The following UBE2H variants were observed in gnomAD, a reference collection of about 807,000 sequenced individuals.
The protein encoded by UBE2H is ubiquitin conjugating enzyme E2 H.
Under a neutral mutation model 29.0 loss-of-function variants are expected in UBE2H, and 3 were observed. The observed-to-expected ratio is 0.10, with a 90% CI of 0.05 to 0.27. UBE2H has a LOEUF of 0.27. UBE2H is among the 10% of genes least tolerant of loss of function. The pLI is 1.00. For missense variants in UBE2H, 68 were observed against 228.2 expected (o/e 0.30, Z 4.52); for synonymous variants, 69 against 82.9 (o/e 0.83, Z 0.91).
At chr7:129,876,392 T>A (rs775068016) in intron 3 of UBE2H, among the ~76,000 whole-genome samples, 7 of 152,214 alleles carry the variant, frequency 4.6e-5, no homozygotes, top group African/African-American at 7.2e-5. Context: ...CTCTAGGAAC[T>A]AATGTTTCTG....
chr7:129,894,649 G>A (rs1032170587), intron 1 of UBE2H, among the ~76,000 whole-genome samples: 5 of 151,730 alleles, frequency 3.3e-5, no homozygotes, highest in Admixed American at 1.3e-4. Flanking sequence ...CACCATACCC[G>A]GCTAATTTTT....
At chr7:129,854,127 T>C (rs1489967710) in intron 5 of UBE2H, among the ~76,000 whole-genome samples, 1 of 147,638 alleles carries the variant, frequency 6.8e-6, no homozygotes, top group African/African-American at 2.5e-5. Flanking sequence ...ACTAAGATTC[T>C]CTCAGGAACC....
At chr7:129,887,599 G>A (rs779957167) in intron 1 of UBE2H, among the ~76,000 whole-genome samples, 7 of 152,086 alleles carry the variant, frequency 4.6e-5, no homozygotes, top group South Asian at 2.1e-4. Flanking sequence ...CCTGAGGTGC[G>A]ACAGTTTGAA....
chr7:129,911,967 T>C (rs866965287), intron 1 of UBE2H, among the ~76,000 whole-genome samples: 9 of 152,220 alleles, frequency 5.9e-5, no homozygotes, highest in Admixed American at 2.6e-4. Context: ...TAGCAAAGGA[T>C]GTGTTATGTG....
intron 1 of UBE2H, among the ~76,000 whole-genome samples, chr7:129,901,160 G>A (rs537325738): frequency 2.0e-4 from 31 of 152,298 alleles, no homozygotes; most frequent in Middle Eastern, 3.4e-3. Flanking sequence ...ACCTCAGACA[G>A]AACTGTCTCA....
chr7:129,925,932 C>T (rs1278122854), intron 1 of UBE2H, among the ~76,000 whole-genome samples: 1 of 152,216 alleles, frequency 6.6e-6, no homozygotes, highest in Non-Finnish European at 1.5e-5. Context: ...AGAACTGTTA[C>T]TACCAGCCAA....
intron 1 of UBE2H, among the ~76,000 whole-genome samples, chr7:129,913,247 C>T (rs1308022546): frequency 7.5e-6 from 1 of 133,784 alleles, no homozygotes; most frequent in East Asian, 2.1e-4. Flanking sequence ...AGCGAAACTC[C>T]GTCTCAAAAA....
At chr7:129,842,343 T>C (rs1348880789) in intron 5 of UBE2H, among the ~76,000 whole-genome samples, 1 of 151,530 alleles carries the variant, frequency 6.6e-6, no homozygotes, top group African/African-American at 2.4e-5. Context: ...TGAGGCAGAA[T>C]TGCTTGAACC....
At chr7:129,903,233 A>C (rs923399589) in intron 1 of UBE2H, among the ~76,000 whole-genome samples, 3 of 152,232 alleles carry the variant, frequency 2.0e-5, no homozygotes, top group African/African-American at 7.2e-5. Context: ...TTATCCTTGA[A>C]CTGATTTTCA....
At chr7:129,860,628 A>C (rs988302441) in intron 3 of UBE2H, among the ~76,000 whole-genome samples, 23 of 152,152 alleles carry the variant, frequency 1.5e-4, no homozygotes, top group Non-Finnish European at 2.4e-4. Flanking sequence ...AAAGGGGAGT[A>C]CATCCATCTA....
chr7:129,940,674 G>C (rs929845838), intron 1 of UBE2H, among the ~76,000 whole-genome samples: 2 of 152,162 alleles, frequency 1.3e-5, no homozygotes, highest in Admixed American at 6.6e-5. Context: ...GCCATGTAGG[G>C]CTTCCCCAGG....
intron 5 of UBE2H, among the ~76,000 whole-genome samples, chr7:129,848,740 G>A (rs954576401): frequency 6.6e-6 from 1 of 151,850 alleles, no homozygotes; most frequent in Non-Finnish European, 1.5e-5. Context: ...TTTACAATAT[G>A]TGCCCAAAAT....
At chr7:129,934,965 A>G (rs1236773131) in intron 1 of UBE2H, among the ~76,000 whole-genome samples, 3 of 150,416 alleles carry the variant, frequency 2.0e-5, no homozygotes, top group Non-Finnish European at 3.0e-5. Flanking sequence ...GTGTATATAT[A>G]TGTGTATATA....
chr7:129,920,185 A>C (rs1325065403), intron 1 of UBE2H, among the ~76,000 whole-genome samples: 1 of 152,208 alleles, frequency 6.6e-6, no homozygotes, highest in African/African-American at 2.4e-5. Flanking sequence ...TAAATATTTT[A>C]TAAAACTATA....
intron 1 of UBE2H, among the ~76,000 whole-genome samples, chr7:129,924,616 T>TCACACACACACACACA (rs147228151): frequency 1.1e-3 from 158 of 144,008 alleles, no homozygotes; most frequent in African/African-American, 1.5e-3. Context: ...CCTTTTACAT[T>TCACACACACACACACA]CACACACACA....
chr7:129,890,877 G>A (rs1806469799), intron 1 of UBE2H, among the ~76,000 whole-genome samples: 1 of 151,730 alleles, frequency 6.6e-6, no homozygotes, highest in Non-Finnish European at 1.5e-5. Flanking sequence ...GCTCACGCCT[G>A]TAATCCCAGC....
intron 3 of UBE2H, among the ~76,000 whole-genome samples, chr7:129,871,549 T>C (rs1474546775): frequency 6.6e-6 from 1 of 151,918 alleles, no homozygotes; most frequent in African/African-American, 2.4e-5. Flanking sequence ...ACCCCATCTC[T>C]CCTACAATAC....
At chr7:129,943,006 C>T (rs1015963111) in intron 1 of UBE2H, among the ~76,000 whole-genome samples, 4 of 152,072 alleles carry the variant, frequency 2.6e-5, no homozygotes, top group African/African-American at 9.7e-5. Context: ...CCACACCCAG[C>T]TAGTTTTTGC....
chr7:129,937,098 G>A (rs1259403671), intron 1 of UBE2H, among the ~76,000 whole-genome samples: 3 of 152,108 alleles, frequency 2.0e-5, no homozygotes, highest in African/African-American at 4.8e-5. Flanking sequence ...GGGAGGCTGA[G>A]GCGGATGGAT....
Sources: gnomAD v4.1 joint callset for allele counts (sites outside exome capture counted in the v4.1 genomes callset) on GRCh38, gnomAD v4.1.1 for gene constraint, MANE v1.5 for transcripts, NCBI Gene and HGNC (gene_info 2026-07-23, HGNC 2026-07-21) for gene names.